The following INPP5D variants were observed in gnomAD, a reference collection of about 807,000 sequenced individuals.
INPP5D encodes the protein inositol polyphosphate-5-phosphatase D.
Under a neutral mutation model 122.9 loss-of-function variants are expected in INPP5D, and 33 were observed. That is an observed-to-expected ratio of 0.27 (90% CI 0.20 to 0.36). INPP5D has a LOEUF of 0.36. Among genes scored for constraint, INPP5D ranks in the 10% least tolerant of loss-of-function variants. The pLI is 1.00. For synonymous variants in INPP5D, 584 were observed against 576.2 expected (o/e 1.01, Z -0.19); for missense variants, 1,053 against 1,412.7 (o/e 0.75, Z 4.08).
chr2:233,191,171 G>A (rs1695048147), intron 22 of INPP5D, among the ~76,000 whole-genome samples: 1 of 152,192 alleles, frequency 6.6e-6, no homozygotes, highest in African/African-American at 2.4e-5. Flanking sequence ...TTACAATCAT[G>A]GCAGAAGAGG....
intron 2 of INPP5D, among the ~76,000 whole-genome samples, chr2:233,114,762 C>G (rs528008314): frequency 1.4e-4 from 21 of 152,338 alleles, no homozygotes; most frequent in African/African-American, 4.6e-4. Context: ...TCCACCACAG[C>G]CGAGTGGTGT....
At chr2:233,133,490 G>T (rs763301748) in intron 5 of INPP5D, among the ~76,000 whole-genome samples, 1 of 152,206 alleles carries the variant, frequency 6.6e-6, no homozygotes, top group Non-Finnish European at 1.5e-5. Flanking sequence ...AGAGGCTGGT[G>T]TAACATGTAA....
In INPP5D at chr2:233,189,981, G is replaced by A. The variant is rs182500168; in HGVS notation, c.2446+44G>A. The A allele has an allele frequency of 1.4e-3, 2,288 of 1,603,492 alleles. 2 individuals are homozygous for A. The highest frequency in any genetic ancestry group is 1.7e-3 in the Non-Finnish European group (2,012 of 1,175,310). ...GTGCCACACCTGCCTGTGAACTGGC[G>A]GCCTCTGACGTAGCATTGCCTTCAG... On this transcript the variant is annotated intron_variant, in intron 22 of 26. Transcript: ENST00000445964. The surrounding 1 kb of genome is among the most constrained non-coding windows in gnomAD (Gnocchi z 5.6).
In INPP5D at chr2:233,204,638, A is replaced by G. The variant is rs1253196474; in HGVS notation, c.3488A>G (p.Asp1163Gly). ...LQHSKGRDYR[D>G]NTELPHHGKH... Reference sequence around the variant, plus strand: ...CACTCCAAGGGCCGCGACTACCGCGACAACACCGAGCTCCCGCATCACGGC... The same window carrying G: ...CACTCCAAGGGCCGCGACTACCGCGGCAACACCGAGCTCCCGCATCACGGC... The change falls in exon 26 of 27, where the codon GAC (aspartate) becomes GGC (glycine). Residue 1163 changes from aspartate to glycine, a missense_variant. Asp to Gly is a moderately conservative substitution (Grantham distance 94, BLOSUM62 -1). This residue lies in a region of INPP5D where 417 missense variants were observed against 425.8 expected (regional missense o/e 0.98). Transcript: ENST00000445964. 8 of 1,584,556 alleles carry G rather than the reference A, an allele frequency of 5.0e-6. No individual in the cohort carries two copies. The Admixed American group carries it at 8.8e-5, about 18-fold the overall frequency.
chr2:233,153,537 G>T (rs1384061618), intron 9 of INPP5D, among the ~76,000 whole-genome samples: 1 of 152,174 alleles, frequency 6.6e-6, no homozygotes, highest in Non-Finnish European at 1.5e-5. Flanking sequence ...CCCTAAGCAG[G>T]TGGAAGAAAA....
chr2:233,179,933 G>A (rs1246275127), intron 18 of INPP5D, among the ~76,000 whole-genome samples: 1 of 152,136 alleles, frequency 6.6e-6, no homozygotes, highest in Non-Finnish European at 1.5e-5. Flanking sequence ...GAGTCTCTGC[G>A]CTAGGCTGAA....
intron 2 of INPP5D, among the ~76,000 whole-genome samples, chr2:233,093,179 C>T (rs144931541): frequency 1.1e-3 from 171 of 152,182 alleles, no homozygotes; most frequent in Non-Finnish European, 1.6e-3. Flanking sequence ...AGAAGGATTA[C>T]GGCAGATTAA....
chr2:233,190,626 TGGA>T (rs1695031303), intron 22 of INPP5D, among the ~76,000 whole-genome samples: 1 of 152,190 alleles, frequency 6.6e-6, no homozygotes, highest in Non-Finnish European at 1.5e-5. Context: ...AGGCAGGCTG[TGGA>T]GGCCCACAGC....
chr2:233,201,224 G>T (rs1695332190), intron 25 of INPP5D, among the ~76,000 whole-genome samples: 1 of 152,170 alleles, frequency 6.6e-6, no homozygotes, highest in Non-Finnish European at 1.5e-5. Flanking sequence ...GGGTATCAAG[G>T]TGCCTGTGTG....
chr2:233,122,952 G>A (rs1304981413), intron 3 of INPP5D, among the ~76,000 whole-genome samples: 1 of 152,206 alleles, frequency 6.6e-6, no homozygotes, highest in Non-Finnish European at 1.5e-5. Flanking sequence ...GTTGAGAAAT[G>A]TAGCACCCAG....
At chr2:233,168,906 G>A (rs934128950) in intron 13 of INPP5D, 3 of 208,440 alleles carry the variant, frequency 1.4e-5, no homozygotes, top group Admixed American at 5.3e-5. Context: ...GCAGAAAAAG[G>A]TATGATCTCA....
chr2:233,092,449 G>A (rs914686697), intron 2 of INPP5D, among the ~76,000 whole-genome samples: 7 of 152,248 alleles, frequency 4.6e-5, no homozygotes, highest in African/African-American at 7.2e-5. Context: ...CCTGGGCCCA[G>A]TGGAACCATG....
At chr2:233,132,591 AG>A (rs1171411735) in intron 5 of INPP5D, among the ~76,000 whole-genome samples, 1 of 152,248 alleles carries the variant, frequency 6.6e-6, no homozygotes, top group East Asian at 1.9e-4. Context: ...TTGGCATTTT[AG>A]GAAATTGTAG....
intron 1 of INPP5D, among the ~76,000 whole-genome samples, chr2:233,071,074 G>A (rs543178840): frequency 6.6e-6 from 1 of 152,108 alleles, no homozygotes; most frequent in African/African-American, 2.4e-5. Context: ...AGGAGATCAA[G>A]ACCATCCTGG....
chr2:233,170,007 C>T lies in INPP5D; in HGVS notation c.1653-19C>T, dbSNP rs373801501. 2.5e-5 allele frequency: 41 copies of T among 1,613,816 alleles called. No homozygotes were observed. Among genetic ancestry groups the T allele is most frequent in the Middle Eastern group, 1.6e-4 (1 of 6,084 alleles). On this transcript the variant is annotated intron_variant, in intron 14 of 26. Transcript: ENST00000445964. The surrounding 1 kb of genome is among the most constrained non-coding windows in gnomAD (Gnocchi z 4.5). ...AACCAGTGACCCCGTGCTAGATGGCCGCTTTTTCCTTGCATTAGGCGAAAC... is the reference window on the plus strand; with the variant it reads ...AACCAGTGACCCCGTGCTAGATGGCTGCTTTTTCCTTGCATTAGGCGAAAC...
At chr2:233,140,207 G>T (rs1693603091) in intron 6 of INPP5D, 2 of 220,430 alleles carry the variant, frequency 9.1e-6, no homozygotes, top group East Asian at 9.0e-5. Context: ...GGTAAGCAGG[G>T]CCTGTTCCCA....
At chr2:233,125,146 C>G (rs1415717942) in intron 3 of INPP5D, among the ~76,000 whole-genome samples, 1 of 152,252 alleles carries the variant, frequency 6.6e-6, no homozygotes, top group Non-Finnish European at 1.5e-5. Context: ...CCTCCCAGGC[C>G]AAGTTCAAGT....
At chr2:233,133,771 C>A (rs10933436) in intron 5 of INPP5D, among the ~76,000 whole-genome samples, 71,522 of 151,780 alleles carry the variant, frequency 0.47, 17,279 homozygotes, top group African/African-American at 0.54. Flanking sequence ...GTGGAGGATG[C>A]ATCCTAGGAG....
chr2:233,169,782 G>C, intron 14 of INPP5D: 1 of 643,488 alleles, frequency 1.6e-6, no homozygotes. Flanking sequence ...CTGCTGAGCA[G>C]ATGCTGCTGC....
Sources: gnomAD v4.1 joint callset for allele counts (sites outside exome capture counted in the v4.1 genomes callset) on GRCh38, gnomAD v4.1.1 for gene constraint, gnomAD v4.1.1 regional missense constraint, Gnocchi (gnomAD v3.1) non-coding constraint, MANE v1.5 for transcripts, NCBI Gene and HGNC (gene_info 2026-07-23, HGNC 2026-07-21) for gene names.